The following KALRN variants were observed in gnomAD, a reference collection of about 807,000 sequenced individuals.
The protein encoded by KALRN is kalirin RhoGEF kinase.
Under a neutral mutation model 353.7 loss-of-function variants are expected in KALRN, and 70 were observed. That is an observed-to-expected ratio of 0.20 (90% CI 0.16 to 0.24). The LOEUF is 0.24. KALRN is among the 10% of genes least tolerant of loss of function. The probability of loss-of-function intolerance (pLI) is 1.00; values close to 1 mark genes in which losing one functional copy is unlikely to be tolerated. For missense variants in KALRN, 2,791 were observed against 3,756.7 expected, an observed-to-expected ratio of 0.74 and a Z score of 6.72; for synonymous variants, 1,391 against 1,434.8, an observed-to-expected ratio of 0.97 and a Z score of 0.69.
intron 10 of KALRN, among the ~76,000 whole-genome samples, chr3:124,378,764 A>G (rs925566377): frequency 1.3e-5 from 2 of 151,984 alleles, no homozygotes; most frequent in Non-Finnish European, 2.9e-5. Flanking sequence ...ACTGTTTCCA[A>G]TAACAAGTCT....
At chr3:124,635,111 G>T (rs2081215077) in intron 36 of KALRN, among the ~76,000 whole-genome samples, 1 of 152,112 alleles carries the variant, frequency 6.6e-6, no homozygotes, top group South Asian at 2.1e-4. Context: ...GATGTTGGTG[G>T]CCCTGTCTTC....
At chr3:124,503,878 A>G (rs973804080) in intron 33 of KALRN, among the ~76,000 whole-genome samples, 1 of 152,196 alleles carries the variant, frequency 6.6e-6, no homozygotes, top group Admixed American at 6.5e-5. Context: ...AGGGCAAAAT[A>G]TTTCATATCA....
At chr3:124,128,974 T>G (rs1175178644) in intron 1 of KALRN, among the ~76,000 whole-genome samples, 3 of 152,060 alleles carry the variant, frequency 2.0e-5, no homozygotes, top group African/African-American at 7.2e-5. Flanking sequence ...CAGAAAATCA[T>G]GGAGTTGTTC....
At chr3:124,635,733 A>G (rs1231807656) in intron 36 of KALRN, among the ~76,000 whole-genome samples, 3 of 152,120 alleles carry the variant, frequency 2.0e-5, no homozygotes, top group Non-Finnish European at 2.9e-5. Context: ...TTACTTTTAC[A>G]ATTATAATAT....
At chr3:124,607,588 T>C (rs138164679) in intron 34 of KALRN, among the ~76,000 whole-genome samples, 118 of 152,254 alleles carry the variant, frequency 7.8e-4, no homozygotes, top group African/African-American at 2.8e-3. Flanking sequence ...TAGGAGAAAA[T>C]AAGGAAAATA....
chr3:124,540,585 TA>T (rs1212152674), intron 33 of KALRN, among the ~76,000 whole-genome samples: 1 of 152,244 alleles, frequency 6.6e-6, no homozygotes, highest in Non-Finnish European at 1.5e-5. Context: ...TGAAATCTTT[TA>T]GTCCAACCCT....
At chr3:124,552,089 C>A (rs1413772068) in intron 33 of KALRN, among the ~76,000 whole-genome samples, 1 of 152,136 alleles carries the variant, frequency 6.6e-6, no homozygotes, top group Non-Finnish European at 1.5e-5. Context: ...CTATAAAGGG[C>A]CATACAGATG....
At chr3:124,555,517 C>T (rs1233436079) in intron 33 of KALRN, among the ~76,000 whole-genome samples, 1 of 151,778 alleles carries the variant, frequency 6.6e-6, no homozygotes, top group Non-Finnish European at 1.5e-5. Context: ...ATTTGTGTCT[C>T]CCCCCACTAA....
intron 1 of KALRN, among the ~76,000 whole-genome samples, chr3:124,134,681 A>T (rs2065717701): frequency 6.6e-6 from 1 of 152,368 alleles, no homozygotes; most frequent in East Asian, 1.9e-4. Flanking sequence ...ATCAGTAAGA[A>T]AAAAACAAAC....
At position 124,417,543 on chromosome 3, in the gene KALRN, T is replaced by C. The variant is rs79470121; in HGVS notation, c.2542+3878T>C. 4.1e-3 allele frequency among the ~76,000 whole-genome samples: 627 copies of C among 152,354 alleles called. 19 individuals carry two copies. The East Asian group carries it at 0.077, about 19-fold the overall frequency. ...GAGAAATCTCTGGAGTTTGTGGCCA[T>C]GATACTTAAAATTTACCTTGCCTGA... is the stretch of plus-strand genomic sequence containing the variant. On this transcript the variant is annotated intron_variant, in intron 14 of 59. Transcript: ENST00000682506.
intron 1 of KALRN, among the ~76,000 whole-genome samples, chr3:124,133,297 T>C (rs2065525431): frequency 6.6e-6 from 1 of 152,188 alleles, no homozygotes; most frequent in African/African-American, 2.4e-5. Context: ...GTGACAGTAT[T>C]TTAGTTTAAA....
At chr3:124,083,843 A>T (rs559884380) in intron 1 of KALRN, among the ~76,000 whole-genome samples, 2 of 152,346 alleles carry the variant, frequency 1.3e-5, no homozygotes, top group South Asian at 4.1e-4. Context: ...TAAGACTGAC[A>T]GAACTTCTGG....
chr3:124,314,771 C>G (rs1333722368), intron 6 of KALRN, among the ~76,000 whole-genome samples: 1 of 152,208 alleles, frequency 6.6e-6, no homozygotes, highest in Non-Finnish European at 1.5e-5. Flanking sequence ...GTCCTCCTGC[C>G]TCAGCCTCTC....
chr3:124,507,638 T>C (rs934942630), intron 33 of KALRN, among the ~76,000 whole-genome samples: 2 of 152,212 alleles, frequency 1.3e-5, no homozygotes, highest in African/African-American at 4.8e-5. Context: ...TTCTGCCCAG[T>C]CTTCTGAGTT....
chr3:124,535,106 A>G, intron 33 of KALRN, among the ~76,000 whole-genome samples: 1 of 152,188 alleles, frequency 6.6e-6, no homozygotes, highest in East Asian at 1.9e-4. Context: ...AAAAAATATA[A>G]AAATTAAAAT....
In KALRN at chr3:124,697,673, A is replaced by C; in HGVS notation, c.7780A>C (p.Ser2594Arg). 6.2e-7 allele frequency: 1 copy of C among 1,604,054 alleles called. No homozygotes were observed. Among genetic ancestry groups the C allele is most frequent in the Non-Finnish European group, 8.5e-7 (1 of 1,174,986 alleles). Reference sequence around the variant, plus strand: ...GATTCTCCGCTGGCTGCCCCCCTCCAGCACAGGAAACTGCACTATTTCTGG... The same window carrying C: ...GATTCTCCGCTGGCTGCCCCCCTCCCGCACAGGAAACTGCACTATTTCTGG... ...SVILRWLPPSSTGNCTISGYT... is the reference protein window; with the variant it reads ...SVILRWLPPSRTGNCTISGYT... Residue 2594 changes from serine to arginine, a missense_variant, in exon 55 of 60, where the codon AGC becomes CGC. Ser to Arg is a moderately radical substitution (Grantham distance 110). Transcript: ENST00000682506.
chr3:124,243,556 T>G (rs2080764952), intron 3 of KALRN, among the ~76,000 whole-genome samples: 1 of 152,142 alleles, frequency 6.6e-6, no homozygotes, highest in South Asian at 2.1e-4. Context: ...TTCACATGCA[T>G]ATTCCATGTA....
intron 32 of KALRN, among the ~76,000 whole-genome samples, chr3:124,494,345 T>C (rs929588134): frequency 2.0e-5 from 3 of 152,172 alleles, no homozygotes; most frequent in Admixed American, 2.0e-4. Flanking sequence ...CAGTCCTAGG[T>C]GGCCTCCCCA....
chr3:124,277,996 A>ATG (rs3054178), intron 5 of KALRN, among the ~76,000 whole-genome samples: 16,509 of 146,086 alleles, frequency 0.11, 1,132 homozygotes, highest in African/African-American at 0.2. Flanking sequence ...GAGATGAACT[A>ATG]TGTGTGTGTG....
Sources: allele counts gnomAD v4.1 joint callset (sites outside exome capture counted in the v4.1 genomes callset), GRCh38; gene constraint gnomAD v4.1.1; transcripts MANE v1.5; gene names NCBI Gene and HGNC (gene_info 2026-07-23, HGNC 2026-07-21).